The following AP4S1 variants were observed in gnomAD, a reference collection of about 807,000 sequenced individuals.
AP4S1 encodes AP-4 complex subunit sigma-1.
AP4S1 carries 23 observed loss-of-function variants against 19.8 expected under a neutral mutation model. The observed-to-expected ratio is 1.16, with a 90% CI of 0.84 to 1.65. AP4S1 has a LOEUF of 1.65. Among genes scored for constraint, AP4S1 ranks in the 40% most tolerant of loss-of-function variants. The probability of loss-of-function intolerance (pLI) is 0.00; values close to 1 mark genes in which losing one functional copy is unlikely to be tolerated. For synonymous variants in AP4S1, 46 were observed against 54.1 expected, an observed-to-expected ratio of 0.85 and a Z score of 0.66; for missense variants, 166 against 172.8, an observed-to-expected ratio of 0.96 and a Z score of 0.22.
rs1242188450 is a variant in AP4S1 at position 31,031,832 on chromosome 14, C to T, written c.-72+6045C>T. ...GTCCTTTCATCAGTCCTGTTCATGC[C>T]TCCTCCATGCCCATAGATTCTCCCA... On this transcript the variant is annotated intron_variant, in intron 1 of 5. Transcript: ENST00000542754. 2.0e-5 allele frequency among the ~76,000 whole-genome samples: 3 copies of T among 152,168 alleles called. No homozygotes were observed. In the East Asian group the frequency reaches 5.8e-4, roughly 29 times the overall value.
At chr14:31,036,622 A>G (rs774788592) in intron 1 of AP4S1, among the ~76,000 whole-genome samples, 4 of 152,202 alleles carry the variant, frequency 2.6e-5, no homozygotes, top group Non-Finnish European at 5.9e-5. Flanking sequence ...CCTGCAAAGG[A>G]AATTCCACCA....
chr14:31,080,527 C>T (rs952200352), intron 4 of AP4S1, 46 bp from the exon 5 acceptor site: 4 of 1,489,588 alleles, frequency 2.7e-6, no homozygotes, highest in Non-Finnish European at 3.7e-6. Flanking sequence ...AGCAGTGGTC[C>T]CCAGTGTCTT....
intron 1 of AP4S1, among the ~76,000 whole-genome samples, chr14:31,045,599 TACTTTCTA>T (rs1241639469): frequency 3.3e-5 from 5 of 152,196 alleles, no homozygotes; most frequent in African/African-American, 1.2e-4. Flanking sequence ...TCAATTAAAC[TACTTTCTA>T]TTATAAATTA....
chr14:31,082,118 T>C (rs1457925098), intron 5 of AP4S1, among the ~76,000 whole-genome samples: 1 of 152,188 alleles, frequency 6.6e-6, no homozygotes, highest in African/African-American at 2.4e-5. Flanking sequence ...GTCACTGTGT[T>C]GACAAATTCA....
intron 1 of AP4S1, among the ~76,000 whole-genome samples, chr14:31,048,392 T>C (rs1351605583): frequency 6.6e-6 from 1 of 151,994 alleles, no homozygotes; most frequent in Non-Finnish European, 1.5e-5. Context: ...ATTACAGGCA[T>C]GAGCCACCAT....
intron 5 of AP4S1, chr14:31,083,698 T>C (rs1887783571): frequency 2.6e-6 from 1 of 380,820 alleles, no homozygotes; most frequent in Non-Finnish European, 5.2e-6. Flanking sequence ...TTTGAGGAGA[T>C]GGGGTCTCAC....
rs1887871104 is a variant in AP4S1, at chr14:31,085,277, G to A, written c.306+4693G>A. The stretch of plus-strand genomic sequence containing the variant: ...GAACCTGCCACCATGGCCTCTGCAA[G>A]CCTCTCCTCCACCTTCACCCCAAGA... On this transcript the variant is annotated intron_variant, in intron 5 of 5. Transcript: ENST00000542754. The A allele has an allele frequency of 1.2e-5, 12 of 1,013,042 alleles. No homozygotes were observed. The South Asian group carries it at 4.6e-4, about 39-fold the overall frequency. 62.8% of individuals were successfully genotyped at this position (1,013,042 alleles called of 1,614,324 possible). A position where few individuals can be genotyped will look rare whatever the true frequency, so the allele number is the denominator to read the frequency against.
rs1566532895 is a variant in AP4S1 at position 31,066,311 on chromosome 14, T to C, written c.115T>C (p.Cys39Arg). 1.9e-6 allele frequency: 3 copies of C among 1,614,018 alleles called. No individual in the cohort carries two copies. The South Asian group carries it at 3.3e-5, about 18-fold the overall frequency. Residue 39 changes from cysteine (C) to arginine (R), a missense_variant, in exon 2 of 6, where the codon TGT becomes CGT. Coordinates refer to ENST00000542754, the MANE Select transcript of AP4S1 (RefSeq NM_001128126.3). ...TLLETEVIKS[C>R]LSRSNEQCSF... ...TCTGGAAACAGAAGTCATAAAGAGC[T>C]GTCTCTCTCGATCCAATGAACAAGT...
intron 1 of AP4S1, among the ~76,000 whole-genome samples, chr14:31,031,208 G>T (rs1305244843): frequency 2.6e-5 from 4 of 152,166 alleles, no homozygotes; most frequent in Non-Finnish European, 4.4e-5. Flanking sequence ...GCAGAACTGT[G>T]AGTCCATTAA....
Position 31,093,180 on chromosome 14 carries a change from C to T in AP4S1, c.*145C>T. ...AAAGACATTATAAATAGGCATTTTC[C>T]ACAGTTCCTAAAAAGAAAACACAAC... On this transcript the variant is annotated 3_prime_UTR_variant, in exon 6 of 6. Coordinates refer to ENST00000542754, the MANE Select transcript of AP4S1 (RefSeq NM_001128126.3). 1.3e-6 allele frequency: 1 copy of T among 767,198 alleles called. No homozygotes were observed. 47.5% of individuals were successfully genotyped at this position (767,198 alleles called of 1,614,324 possible). A position where few individuals can be genotyped will look rare whatever the true frequency, so the allele number is the denominator to read the frequency against.
At position 31,094,355 on chromosome 14, in the gene AP4S1, T is replaced by A. The variant is rs1249257285; in HGVS notation, c.*1320T>A. 6.5e-6 allele frequency: 1 copy of A among 152,698 alleles called. No individual in the cohort carries two copies. The highest frequency in any genetic ancestry group is 1.5e-5 in the Non-Finnish European group (1 of 68,402). 9.5% of individuals were successfully genotyped at this position (152,698 alleles called of 1,614,324 possible). A position where few individuals can be genotyped will look rare whatever the true frequency, so the allele number is the denominator to read the frequency against. On this transcript the variant is annotated 3_prime_UTR_variant, in exon 6 of 6. Coordinates refer to ENST00000542754, the MANE Select transcript of AP4S1 (RefSeq NM_001128126.3). ...TGCCTCACACCTGTAACCCCTGCAC[T>A]TTGGGAGGCTGAGGAAGGAGGATCG...
chr14:31,039,832 G>A (rs1010343921), intron 1 of AP4S1, among the ~76,000 whole-genome samples: 11 of 151,692 alleles, frequency 7.3e-5, no homozygotes, highest in Middle Eastern at 3.4e-3. Context: ...CTCGTGATCC[G>A]CCCGTCTCGG....
intron 1 of AP4S1, among the ~76,000 whole-genome samples, chr14:31,056,612 G>A (rs1440544833): frequency 1.3e-5 from 2 of 152,104 alleles, no homozygotes; most frequent in Non-Finnish European, 2.9e-5. Flanking sequence ...GCCCGCCTTG[G>A]CCTTCCAAAG....
intron 1 of AP4S1, among the ~76,000 whole-genome samples, chr14:31,059,198 T>C (rs573105658): frequency 6.6e-6 from 1 of 152,364 alleles, no homozygotes; most frequent in African/African-American, 2.4e-5. Flanking sequence ...GTCTAATGTT[T>C]AAGAGCATGC....
chr14:31,073,442 ATC>A, intron 4 of AP4S1, among the ~76,000 whole-genome samples: 4 of 140,886 alleles, frequency 2.8e-5, no homozygotes, highest in Non-Finnish European at 6.3e-5. Flanking sequence ...GTGAGCCGAG[ATC>A]CCGCCACTGC....
intron 5 of AP4S1, 148 bp from the exon 6 acceptor site, chr14:31,092,759 C>A (rs1295893538): frequency 3.5e-6 from 2 of 578,766 alleles, no homozygotes; most frequent in South Asian, 2.6e-5. Flanking sequence ...AATATGGATG[C>A]CAGTTTTAAA....
intron 1 of AP4S1, among the ~76,000 whole-genome samples, chr14:31,044,659 T>TA (rs35865489): frequency 3.9e-4 from 57 of 146,064 alleles, no homozygotes; most frequent in Middle Eastern, 3.5e-3. Flanking sequence ...TGCTAGTTTC[T>TA]AAAAAAAAAA....
intron 1 of AP4S1, among the ~76,000 whole-genome samples, chr14:31,060,697 C>T (rs566547500): frequency 6.6e-6 from 1 of 152,316 alleles, no homozygotes; most frequent in African/African-American, 2.4e-5. Context: ...GTGGGACCCA[C>T]CCTCTATTGT....
rs112174443 is a variant in AP4S1, at chr14:31,028,596, T to TACACACAC, written c.-72+2825_-72+2832dup. Among the ~76,000 whole-genome samples the TACACACAC allele has an allele frequency of 4.3e-3, 641 of 149,138 alleles. 3 individuals carry two copies. Among genetic ancestry groups the TACACACAC allele is most frequent in the African/African-American group, 0.014 (580 of 40,612 alleles). On this transcript the variant is annotated intron_variant, in intron 1 of 5. Coordinates refer to ENST00000542754, the MANE Select transcript of AP4S1 (RefSeq NM_001128126.3). ...GCTGCCTCAAAGACATACACACACA[T>TACACACAC]ACACACACACACACACACACACAGA...
Sources: allele counts gnomAD v4.1 joint callset (sites outside exome capture counted in the v4.1 genomes callset), GRCh38; gene constraint gnomAD v4.1.1; transcripts MANE v1.5; gene names NCBI Gene and HGNC (gene_info 2026-07-23, HGNC 2026-07-21).